Variants in FRY observed in about 807,000 individuals in gnomAD.
The protein encoded by FRY is protein furry homolog.
Under a neutral mutation model 348.4 loss-of-function variants are expected in FRY, and 128 were observed. The ratio of observed to expected loss-of-function variants is 0.37; its 90% CI spans 0.32 to 0.43. FRY has a LOEUF of 0.43. Among genes scored for constraint, FRY ranks in the 20% least tolerant of loss-of-function variants. FRY has a pLI of 1.00. For missense variants in FRY, 2,736 were observed against 3,695.2 expected (o/e 0.74, Z 6.73); for synonymous variants, 1,370 against 1,374.7 (o/e 1.00, Z 0.08).
intron 34 of FRY, 100 bp from the exon 35 acceptor site, chr13:32,212,192 G>T (rs1884725218): frequency 2.7e-6 from 2 of 730,614 alleles, no homozygotes; most frequent in African/African-American, 3.5e-5. Flanking sequence ...CCAAACATAA[G>T]AATTTACAGG....
intron 1 of FRY, among the ~76,000 whole-genome samples, chr13:32,051,251 C>T (rs576057315): frequency 2.9e-4 from 44 of 152,114 alleles, no homozygotes; most frequent in African/African-American, 9.9e-4. Flanking sequence ...GGGACTTTTA[C>T]AAGGTCTTTG....
intron 1 of FRY, among the ~76,000 whole-genome samples, chr13:32,046,424 C>G (rs1325615870): frequency 6.6e-6 from 1 of 152,198 alleles, no homozygotes. Context: ...CTGGGGCTGG[C>G]AAAGTTATGT....
chr13:32,063,022 A>T (rs1566050528), intron 1 of FRY, among the ~76,000 whole-genome samples: 1 of 152,160 alleles, frequency 6.6e-6, no homozygotes, highest in Non-Finnish European at 1.5e-5. Flanking sequence ...ATAGGTATAT[A>T]ATTTTATAGT....
At chr13:32,167,386 G>C (rs1272290329) in intron 17 of FRY, among the ~76,000 whole-genome samples, 1 of 152,160 alleles carries the variant, frequency 6.6e-6, no homozygotes, top group Non-Finnish European at 1.5e-5. Flanking sequence ...CTGGTAGTTT[G>C]CTGGCACTCT....
chr13:32,046,531 G>T (rs1873024433), intron 1 of FRY, among the ~76,000 whole-genome samples: 2 of 152,324 alleles, frequency 1.3e-5, no homozygotes, highest in African/African-American at 4.8e-5. Context: ...GCCCGTTTGT[G>T]TTAACTTGCT....
chr13:32,069,865 A>C (rs451237), intron 1 of FRY, among the ~76,000 whole-genome samples: 94,247 of 141,542 alleles, frequency 0.67, 31,300 homozygotes, highest in Non-Finnish European at 0.68. Context: ...CCTCCCCCAG[A>C]CCCCCACCCC....
intron 4 of FRY, among the ~76,000 whole-genome samples, chr13:32,122,299 T>C (rs112258623): frequency 0.081 from 12,352 of 151,664 alleles, 544 homozygotes; most frequent in African/African-American, 0.13. Flanking sequence ...AAAAATTAGC[T>C]GGGCATGGTG....
chr13:32,107,334 G>C (rs1303244357), intron 3 of FRY, among the ~76,000 whole-genome samples: 1 of 152,174 alleles, frequency 6.6e-6, no homozygotes, highest in Non-Finnish European at 1.5e-5. Flanking sequence ...TCCAGAGTGG[G>C]ACTCTGTCTC....
chr13:32,181,964 T>A (rs1882742566), intron 23 of FRY, among the ~76,000 whole-genome samples: 1 of 152,198 alleles, frequency 6.6e-6, no homozygotes, highest in Admixed American at 6.5e-5. Context: ...TTCCCATTTC[T>A]TCGATGAAGA....
At chr13:32,123,705 T>C (rs986593981) in intron 4 of FRY, among the ~76,000 whole-genome samples, 2 of 152,212 alleles carry the variant, frequency 1.3e-5, no homozygotes, top group Admixed American at 6.5e-5. Flanking sequence ...GGTGAGGTGA[T>C]AGACGCACAA....
intron 55 of FRY, among the ~76,000 whole-genome samples, chr13:32,273,389 A>T (rs1888313378): frequency 6.6e-6 from 1 of 151,574 alleles, no homozygotes; most frequent in African/African-American, 2.4e-5. Flanking sequence ...CGCCCGGCTA[A>T]TTTTTTGTAT....
At chr13:32,117,886 G>A (rs1490209989) in intron 4 of FRY, among the ~76,000 whole-genome samples, 1 of 152,192 alleles carries the variant, frequency 6.6e-6, no homozygotes, top group Non-Finnish European at 1.5e-5. Context: ...CGCTGGACTG[G>A]ACGTTAGTGG....
intron 46 of FRY, among the ~76,000 whole-genome samples, chr13:32,243,640 T>G (rs1368826112): frequency 6.6e-6 from 1 of 152,252 alleles, no homozygotes; most frequent in Non-Finnish European, 1.5e-5. Context: ...AATTTGTAAT[T>G]TTTGATAATT....
At chr13:32,255,726 G>T (rs1476855076) in intron 51 of FRY, among the ~76,000 whole-genome samples, 4 of 152,252 alleles carry the variant, frequency 2.6e-5, no homozygotes, top group African/African-American at 9.6e-5. Flanking sequence ...TTCACTGAAT[G>T]CAGTGAAGAT....
intron 1 of FRY, among the ~76,000 whole-genome samples, chr13:32,036,146 A>G (rs1035504296): frequency 2.6e-5 from 4 of 152,214 alleles, no homozygotes; most frequent in Admixed American, 6.5e-5. Context: ...CTCAAAATTA[A>G]TTTCAGTTTT....
intron 1 of FRY, among the ~76,000 whole-genome samples, chr13:32,057,090 A>G (rs1873669241): frequency 6.6e-6 from 1 of 152,218 alleles, no homozygotes; most frequent in Admixed American, 6.5e-5. Flanking sequence ...CTTGCTTCCC[A>G]TAGTAAAATA....
intron 7 of FRY, 61 bp from the exon 8 acceptor site, chr13:32,131,611 G>T: frequency 8.7e-7 from 1 of 1,143,694 alleles, no homozygotes; most frequent in Non-Finnish European, 1.3e-6. Context: ...GATGCTGGAG[G>T]CCCCCATTAC....
At chr13:32,058,570 C>G (rs1873765227) in intron 1 of FRY, among the ~76,000 whole-genome samples, 1 of 152,202 alleles carries the variant, frequency 6.6e-6, no homozygotes, top group Admixed American at 6.5e-5. Flanking sequence ...ACAGCTGTCA[C>G]TTACACTGTC....
At chr13:32,203,083 G>T in intron 31 of FRY, among the ~76,000 whole-genome samples, 1 of 152,132 alleles carries the variant, frequency 6.6e-6, no homozygotes, top group Non-Finnish European at 1.5e-5. Flanking sequence ...ATCTAAAGCA[G>T]TGTAGGCATA....
Sources: allele counts gnomAD v4.1 joint callset (sites outside exome capture counted in the v4.1 genomes callset), GRCh38; gene constraint gnomAD v4.1.1; transcripts MANE v1.5; gene names NCBI Gene and HGNC (gene_info 2026-07-23, HGNC 2026-07-21).